Variants in DGKH observed in about 807,000 individuals in gnomAD.
DGKH encodes the protein diacylglycerol kinase eta, also known as DAG kinase eta.
Under a neutral mutation model 159.3 loss-of-function variants are expected in DGKH, and 90 were observed. The observed-to-expected ratio is 0.57, with a 90% CI of 0.48 to 0.67. The LOEUF (loss-of-function observed/expected upper bound fraction) is 0.67. Ranked by LOEUF, DGKH falls within the 30% of genes least tolerant of loss-of-function variation. The pLI is 0.00. For synonymous variants in DGKH, 536 were observed against 553.8 expected, an observed-to-expected ratio of 0.97 and a Z score of 0.45; for missense variants, 1,181 against 1,506.1, an observed-to-expected ratio of 0.78 and a Z score of 3.57.
chr13:42,040,840 C>T (rs1267685485), intron 1 of DGKH, among the ~76,000 whole-genome samples: 30 of 146,602 alleles, frequency 2.0e-4, no homozygotes, highest in South Asian at 6.2e-4. Flanking sequence ...GGCGGGGACC[C>T]GGGTCTGCGC....
intron 28 of DGKH, among the ~76,000 whole-genome samples, chr13:42,220,519 A>G (rs928589244): frequency 6.6e-6 from 1 of 152,252 alleles, no homozygotes. Flanking sequence ...TGAGTGTGCT[A>G]TCTTTAAAAA....
At chr13:42,044,355 G>A (rs1880687219), upstream of DGKH, 1 of 151,550 alleles carries the variant, frequency 6.6e-6, no homozygotes, top group African/African-American at 2.4e-5. Flanking sequence ...CTGGAGTGCA[G>A]TGGCGCCATC....
chr13:42,200,133 G>A (rs1048990786), intron 20 of DGKH, among the ~76,000 whole-genome samples: 6 of 152,276 alleles, frequency 3.9e-5, no homozygotes, highest in African/African-American at 1.4e-4. Flanking sequence ...GGGCTACTCT[G>A]GAGTTGTGGT....
chr13:42,184,430 G>A (rs1956855916), intron 13 of DGKH, among the ~76,000 whole-genome samples: 1 of 152,196 alleles, frequency 6.6e-6, no homozygotes, highest in South Asian at 2.1e-4. Flanking sequence ...ATATAGTAGA[G>A]ATGATAGTGG....
At chr13:42,201,185 G>A (rs1283541754) in intron 20 of DGKH, among the ~76,000 whole-genome samples, 1 of 152,046 alleles carries the variant, frequency 6.6e-6, no homozygotes. Context: ...TATACATGGG[G>A]TTTCACCATG....
Position 42,081,265 on chromosome 13 carries a change from T to C in DGKH, c.192+32300T>C, listed in dbSNP as rs138090250. On this transcript the variant is annotated intron_variant, in intron 1 of 29. Coordinates refer to ENST00000337343, the MANE Select transcript of DGKH (RefSeq NM_178009.5). ...TTTTCCTGGAGATGTGTTCTCGCTC[T>C]GTTGCCCAGGCTGGAGTGCAGCGGC... Among the ~76,000 whole-genome samples the C allele has an allele frequency of 1.7e-3, 256 of 152,296 alleles. 3 individuals are homozygous for C. In the East Asian group the frequency reaches 0.039, roughly 23 times the overall value.
chr13:42,042,005 T>A (rs1880541382), intron 1 of DGKH, among the ~76,000 whole-genome samples: 1 of 152,156 alleles, frequency 6.6e-6, no homozygotes, highest in African/African-American at 2.4e-5. Context: ...TTGCCCAGAG[T>A]ACCTCCTTTG....
intron 3 of DGKH, among the ~76,000 whole-genome samples, chr13:42,155,071 A>G (rs559276631): frequency 6.6e-6 from 1 of 152,216 alleles, no homozygotes; most frequent in East Asian, 1.9e-4. Flanking sequence ...AGCCTTAGAA[A>G]AAAGGGCTAA....
At chr13:42,083,888 G>A (rs529401049) in intron 1 of DGKH, among the ~76,000 whole-genome samples, 1 of 152,294 alleles carries the variant, frequency 6.6e-6, no homozygotes, top group Admixed American at 6.5e-5. Flanking sequence ...AATAAAAGTG[G>A]AATTAGTGTT....
intron 29 of DGKH, among the ~76,000 whole-genome samples, chr13:42,223,718 A>G (rs418933): frequency 0.81 from 123,179 of 151,856 alleles, 50,282 homozygotes; most frequent in East Asian, 0.91. Context: ...CCGAGATCAC[A>G]CCACTGCACT....
intron 1 of DGKH, chr13:42,069,871 CT>C: frequency 1.3e-6 from 1 of 753,440 alleles, no homozygotes. Context: ...CCCCAGATAC[CT>C]TTCCCGATCT....
intron 1 of DGKH, among the ~76,000 whole-genome samples, chr13:42,078,909 CTTTTT>C (rs55801562): frequency 0.015 from 1,362 of 93,458 alleles, 21 homozygotes; most frequent in African/African-American, 0.06. Context: ...GTATATTCTC[CTTTTT>C]TTTTTTTTTT....
chr13:42,046,346 A>T (rs1171854756), upstream of DGKH, among the ~76,000 whole-genome samples: 3 of 152,240 alleles, frequency 2.0e-5, no homozygotes, highest in Admixed American at 2.0e-4. Flanking sequence ...GGTGAAGTAC[A>T]TTGCAGGTAC....
chr13:42,188,892 T>C (rs1956993363), intron 14 of DGKH, 144 bp from the exon 15 acceptor site: 1 of 884,260 alleles, frequency 1.1e-6, no homozygotes, highest in South Asian at 2.1e-5. Flanking sequence ...AACCAAAACA[T>C]CTACAAAATT....
rs1367293305 is a variant in DGKH, at chr13:42,241,384, A to G, written c.*12196A>G. On this transcript the variant is annotated 3_prime_UTR_variant, in exon 30 of 30. Coordinates refer to ENST00000337343, the MANE Select transcript of DGKH (RefSeq NM_178009.5). The stretch of plus-strand genomic sequence containing the variant: ...AGTCTCCTTCCACCCAAAAAAACTA[A>G]CCAAATTATTTTATCATAAAGAGGT... The G allele has an allele frequency of 2.6e-5, 4 of 152,218 alleles. No individual in the cohort carries two copies. The allele number at this position is 152,218 out of a possible 1,614,324, so 9.4% of individuals were successfully genotyped here.
intron 1 of DGKH, among the ~76,000 whole-genome samples, chr13:42,096,511 T>C (rs1954539915): frequency 6.6e-6 from 1 of 152,204 alleles, no homozygotes; most frequent in African/African-American, 2.4e-5. Flanking sequence ...CTGGGATGAT[T>C]CCATGTTTTT....
At chr13:42,197,647 G>A (rs1324429502) in intron 17 of DGKH, among the ~76,000 whole-genome samples, 1 of 152,076 alleles carries the variant, frequency 6.6e-6, no homozygotes, top group Non-Finnish European at 1.5e-5. Context: ...GGAGATGGAG[G>A]CTGCAGTGAG....
intron 29 of DGKH, among the ~76,000 whole-genome samples, chr13:42,228,739 A>G (rs1740154514): frequency 6.6e-6 from 1 of 152,090 alleles, no homozygotes; most frequent in Non-Finnish European, 1.5e-5. Flanking sequence ...AAAGAGAAAG[A>G]AAGAAACTAA....
rs186335104 is a variant in DGKH, at chr13:42,139,560, T to C, written c.384+9928T>C. Among the ~76,000 whole-genome samples the C allele has an allele frequency of 4.2e-3, 642 of 152,292 alleles. 17 individuals are homozygous for C. Among genetic ancestry groups the C allele is most frequent in the East Asian group, 1.4e-3 (7 of 5,180 alleles). ...CTGAAGATCCATGACTCGGAAAACA[T>C]AGTGCTCCTGCTCAGTAACCTTCAA... On this transcript the variant is annotated intron_variant, in intron 3 of 29. Coordinates refer to ENST00000337343, the MANE Select transcript of DGKH (RefSeq NM_178009.5).
Sources: gnomAD v4.1 joint callset for allele counts (sites outside exome capture counted in the v4.1 genomes callset) on GRCh38, gnomAD v4.1.1 for gene constraint, MANE v1.5 for transcripts, NCBI Gene and HGNC (gene_info 2026-07-23, HGNC 2026-07-21) for gene names.